The following GUCY1A2 variants were observed in gnomAD, a reference collection of about 807,000 sequenced individuals.
GUCY1A2 encodes the protein guanylate cyclase 1 soluble subunit alpha 2, also known as guanylate cyclase soluble subunit alpha-2.
GUCY1A2 carries 27 observed loss-of-function variants against 63.5 expected under a neutral mutation model. The observed-to-expected ratio is 0.43, with a 90% CI of 0.31 to 0.59. The LOEUF (loss-of-function observed/expected upper bound fraction) is 0.59. Among genes scored for constraint, GUCY1A2 ranks in the 20% least tolerant of loss-of-function variants. GUCY1A2 has a pLI of 0.11. For missense variants in GUCY1A2, 768 were observed against 913.3 expected (o/e 0.84, Z 2.05); for synonymous variants, 364 against 343.5 (o/e 1.06, Z -0.66).
At chr11:106,867,256 C>T (rs1199559529) in intron 4 of GUCY1A2, among the ~76,000 whole-genome samples, 1 of 152,012 alleles carries the variant, frequency 6.6e-6, no homozygotes, top group Admixed American at 6.6e-5. Flanking sequence ...AAACACTACA[C>T]AGGGAAATAA....
Position 106,939,532 on chromosome 11 carries a change from G to C in GUCY1A2, c.1134C>G (p.Val378=). 3.7e-6 allele frequency: 6 copies of C among 1,613,842 alleles called. No individual in the cohort carries two copies. Among genetic ancestry groups the C allele is most frequent in the Non-Finnish European group, 5.1e-6 (6 of 1,179,728 alleles). ...CAAACGGGGTAGACAGTCGCAGCAG[G>C]ACCCTTTCAAAGGTGGCATTAACCT... ...SPKVNATFER[V]LLRLSTPFVI... Residue 378 remains valine (V), a synonymous_variant, in exon 4 of 8, where the codon GTC becomes GTG. Transcript: ENST00000526355.
intron 3 of GUCY1A2, among the ~76,000 whole-genome samples, chr11:106,945,838 C>A (rs918388576): frequency 6.6e-6 from 1 of 152,120 alleles, no homozygotes; most frequent in African/African-American, 2.4e-5. Flanking sequence ...GTGGCGCATG[C>A]CTATAATCCC....
At chr11:106,963,078 A>G (rs1861080589) in intron 3 of GUCY1A2, among the ~76,000 whole-genome samples, 1 of 152,192 alleles carries the variant, frequency 6.6e-6, no homozygotes, top group Non-Finnish European at 1.5e-5. Context: ...ACACAATGCT[A>G]TATGGAGATA....
chr11:106,964,170 C>A (rs773220643), intron 3 of GUCY1A2, among the ~76,000 whole-genome samples: 4 of 152,106 alleles, frequency 2.6e-5, no homozygotes, highest in Admixed American at 6.6e-5. Context: ...TATCTTCTAA[C>A]CCACAATCTA....
chr11:106,890,430 C>G (rs757195365), intron 4 of GUCY1A2, among the ~76,000 whole-genome samples: 3 of 152,184 alleles, frequency 2.0e-5, no homozygotes, highest in Non-Finnish European at 4.4e-5. Flanking sequence ...GGTTCTGGCT[C>G]TTTGACTGAC....
intron 7 of GUCY1A2, among the ~76,000 whole-genome samples, chr11:106,691,688 AATAG>A (rs1248565202): frequency 1.3e-5 from 2 of 152,200 alleles, no homozygotes; most frequent in African/African-American, 4.8e-5. Flanking sequence ...TGACATTTTA[AATAG>A]ATCTCATGTA....
chr11:106,679,588 G>T lies in GUCY1A2; in HGVS notation c.*7961C>A. On this transcript the variant is annotated 3_prime_UTR_variant, in exon 8 of 8. Transcript: ENST00000526355. ...AGAACAACAACAAATGTTTTTAAAT[G>T]ATTCATAAGACAAAAGTATATTCTT... The T allele has an allele frequency of 9.7e-6, 2 of 206,620 alleles. No individual in the cohort carries two copies. Among genetic ancestry groups the T allele is most frequent in the East Asian group, 7.4e-5 (1 of 13,604 alleles). 12.8% of individuals were successfully genotyped at this position (206,620 alleles called of 1,614,324 possible).
intron 4 of GUCY1A2, among the ~76,000 whole-genome samples, chr11:106,920,235 C>A (rs1860424793): frequency 6.6e-6 from 1 of 151,554 alleles, no homozygotes; most frequent in South Asian, 2.1e-4. Flanking sequence ...CAGTGCAGAA[C>A]TGGGAAGAAA....
chr11:106,843,930 A>C (rs1042152398), intron 4 of GUCY1A2, among the ~76,000 whole-genome samples: 5 of 151,864 alleles, frequency 3.3e-5, no homozygotes, highest in South Asian at 2.1e-4. Context: ...ATCATAGAGC[A>C]CTTAGAAACT....
At chr11:106,835,710 A>G (rs1438545415) in intron 4 of GUCY1A2, among the ~76,000 whole-genome samples, 1 of 151,956 alleles carries the variant, frequency 6.6e-6, no homozygotes. Context: ...TAGAAACCAG[A>G]ACACAATGGA....
intron 7 of GUCY1A2, among the ~76,000 whole-genome samples, chr11:106,696,074 T>C (rs1862713758): frequency 6.6e-6 from 1 of 152,138 alleles, no homozygotes; most frequent in Non-Finnish European, 1.5e-5. Context: ...GCATACCTGA[T>C]ACCTGCTAGA....
intron 3 of GUCY1A2, among the ~76,000 whole-genome samples, chr11:106,940,951 A>C (rs1335710522): frequency 1.3e-5 from 2 of 152,196 alleles, no homozygotes; most frequent in Admixed American, 1.3e-4. Context: ...TAAGTGGAAA[A>C]TATAAACCAG....
At chr11:106,794,108 A>G (rs1864711488) in intron 5 of GUCY1A2, among the ~76,000 whole-genome samples, 1 of 152,174 alleles carries the variant, frequency 6.6e-6, no homozygotes, top group Non-Finnish European at 1.5e-5. Context: ...GTCTATCAAC[A>G]GATAAATGAA....
intron 7 of GUCY1A2, among the ~76,000 whole-genome samples, chr11:106,694,718 G>A (rs1862686714): frequency 1.3e-5 from 2 of 152,200 alleles, no homozygotes; most frequent in South Asian, 4.1e-4. Context: ...GGCTGGTATG[G>A]CTGTGGCCAC....
intron 5 of GUCY1A2, among the ~76,000 whole-genome samples, chr11:106,788,992 G>A (rs1218629685): frequency 1.3e-5 from 2 of 152,188 alleles, no homozygotes; most frequent in Non-Finnish European, 2.9e-5. Context: ...GCTTTGGGTA[G>A]TATGGATGTT....
At chr11:106,787,954 C>A (rs1172156094) in intron 5 of GUCY1A2, among the ~76,000 whole-genome samples, 2 of 152,044 alleles carry the variant, frequency 1.3e-5, no homozygotes, top group East Asian at 3.9e-4. Context: ...TTCTGAGGAA[C>A]CTACAAACTA....
rs1421905929 is a variant in GUCY1A2 at position 106,683,549 on chromosome 11, A to T, written c.*4000T>A. 4 of 227,930 alleles carry T rather than the reference A, an allele frequency of 1.8e-5. No homozygotes were observed. 14.1% of individuals were successfully genotyped at this position (227,930 alleles called of 1,614,324 possible). The stretch of plus-strand genomic sequence containing the variant: ...GGCCTGACTGTGTGTGGTCCTTCCT[A>T]TCCGCCTGAATGAGGCACCAGCAAC... On this transcript the variant is annotated 3_prime_UTR_variant, in exon 8 of 8. Coordinates refer to ENST00000526355, the MANE Select transcript of GUCY1A2 (RefSeq NM_000855.3).
At position 106,682,354 on chromosome 11, in the gene GUCY1A2, T is replaced by A. The variant is rs1862446111; in HGVS notation, c.*5195A>T. The A allele has an allele frequency of 4.6e-6, 1 of 216,474 alleles. No homozygotes were observed. The highest frequency in any genetic ancestry group is 9.3e-6 in the Non-Finnish European group (1 of 107,514). 13.4% of individuals were successfully genotyped at this position (216,474 alleles called of 1,614,324 possible). A position where few individuals can be genotyped will look rare whatever the true frequency, so the allele number is the denominator to read the frequency against. On this transcript the variant is annotated 3_prime_UTR_variant, in exon 8 of 8. Coordinates refer to ENST00000526355, the MANE Select transcript of GUCY1A2 (RefSeq NM_000855.3). ...TTTCAATGATTCCCAAGTCTGGCTG[T>A]ATATTAGCATTACTTAGAGTGATTT...
intron 5 of GUCY1A2, among the ~76,000 whole-genome samples, chr11:106,788,705 T>C (rs1208896150): frequency 6.6e-6 from 1 of 152,198 alleles, no homozygotes; most frequent in East Asian, 1.9e-4. Flanking sequence ...CAAAATTGAG[T>C]TAACTATAGA....
Sources: allele counts gnomAD v4.1 joint callset (sites outside exome capture counted in the v4.1 genomes callset), GRCh38; gene constraint gnomAD v4.1.1; transcripts MANE v1.5; gene names NCBI Gene and HGNC (gene_info 2026-07-23, HGNC 2026-07-21).